The following LARGE1 variants were observed in gnomAD, a reference collection of about 807,000 sequenced individuals.
The protein encoded by LARGE1 is xylosyl- and glucuronyltransferase LARGE1.
Under a neutral mutation model 87.6 loss-of-function variants are expected in LARGE1, and 43 were observed. That is an observed-to-expected ratio of 0.49 (90% CI 0.38 to 0.63). The LOEUF is 0.63. Ranked by LOEUF, LARGE1 falls within the 30% of genes least tolerant of loss-of-function variation. The pLI, the probability that LARGE1 is intolerant of heterozygous loss-of-function variation, is 0.00. For synonymous variants in LARGE1, 434 were observed against 394.6 expected, an observed-to-expected ratio of 1.10 and a Z score of -1.18; for missense variants, 802 against 1,000.2, an observed-to-expected ratio of 0.80 and a Z score of 2.67.
chr22:33,405,605 G>T (rs2066069086), intron 7 of LARGE1, among the ~76,000 whole-genome samples: 1 of 152,084 alleles, frequency 6.6e-6, no homozygotes, highest in African/African-American at 2.4e-5. Flanking sequence ...GGCACTACAG[G>T]GGCAGGAGCC....
intron 1 of LARGE1, among the ~76,000 whole-genome samples, chr22:33,819,213 T>G (rs759265057): frequency 2.2e-4 from 34 of 152,086 alleles, no homozygotes; most frequent in Non-Finnish European, 3.5e-4. Flanking sequence ...CAGCCAACTT[T>G]TGTCAGTCCC....
At chr22:33,094,431 C>T in the LARGE1 span, among the ~76,000 whole-genome samples, 415 of 152,264 alleles carry the variant, frequency 2.7e-3, 3 homozygotes, top group African/African-American at 9.0e-3. Context: ...GATCCACTCT[C>T]GTCTCAGCTA....
At chr22:33,655,540 T>C (rs1274753027) in intron 2 of LARGE1, among the ~76,000 whole-genome samples, 1 of 152,196 alleles carries the variant, frequency 6.6e-6, no homozygotes, top group East Asian at 1.9e-4. Flanking sequence ...ATCTTGGAAC[T>C]TGTCAGCTTC....
At chr22:33,603,517 C>T (rs958999966) in intron 5 of LARGE1, among the ~76,000 whole-genome samples, 1 of 152,172 alleles carries the variant, frequency 6.6e-6, no homozygotes. Flanking sequence ...TTCCTCTTTC[C>T]TGTGGAAGTC....
chr22:33,162,847 T>C (rs904791821), exon 12 of LARGE1: 2 of 152,236 alleles, frequency 1.3e-5, no homozygotes, highest in South Asian at 2.1e-4. Context: ...ACTTTCATAA[T>C]AAGGAGATTG....
the LARGE1 span, among the ~76,000 whole-genome samples, chr22:33,073,524 C>T: frequency 2.0e-5 from 3 of 152,176 alleles, no homozygotes; most frequent in Non-Finnish European, 4.4e-5. Context: ...CTTAACCTTT[C>T]CCTCCATTCT....
At chr22:33,195,504 T>G (rs1448491238) in intron 11 of LARGE1, among the ~76,000 whole-genome samples, 1 of 151,996 alleles carries the variant, frequency 6.6e-6, no homozygotes, top group Non-Finnish European at 1.5e-5. Flanking sequence ...CAGAATTAAA[T>G]TAGACACAAG....
intron 7 of LARGE1, among the ~76,000 whole-genome samples, chr22:33,412,929 G>A (rs1310835408): frequency 4.6e-5 from 7 of 152,184 alleles, no homozygotes; most frequent in African/African-American, 1.7e-4. Context: ...CCAAAGTGCT[G>A]GGATTACAGG....
chr22:33,100,349 CAA>C, the LARGE1 span, among the ~76,000 whole-genome samples: 13,268 of 64,438 alleles, frequency 0.21, 516 homozygotes, highest in East Asian at 0.5. Flanking sequence ...GACTCCATCT[CAA>C]AAAAAAAAAA....
At chr22:33,572,968 T>C (rs1232799728) in intron 5 of LARGE1, among the ~76,000 whole-genome samples, 1 of 152,198 alleles carries the variant, frequency 6.6e-6, no homozygotes, top group African/African-American at 2.4e-5. Context: ...TCATTCACTA[T>C]CTGAGTCATT....
intron 14 of LARGE1, among the ~76,000 whole-genome samples, chr22:33,276,220 G>GAA (rs397840244): frequency 2.5e-5 from 3 of 120,722 alleles, no homozygotes; most frequent in African/African-American, 5.6e-5. Flanking sequence ...GAAAAGAAAA[G>GAA]AAAAAAAAAA....
At chr22:33,328,898 T>C (rs529255737) in intron 10 of LARGE1, among the ~76,000 whole-genome samples, 1 of 152,300 alleles carries the variant, frequency 6.6e-6, no homozygotes, top group African/African-American at 2.4e-5. Context: ...CTTTGAAGCC[T>C]TCCTTTCCTT....
chr22:33,340,387 G>C (rs1939012864), intron 9 of LARGE1, among the ~76,000 whole-genome samples: 1 of 151,858 alleles, frequency 6.6e-6, no homozygotes, highest in South Asian at 2.1e-4. Context: ...CTGAATGATG[G>C]GTGGAGGCAG....
chr22:33,693,103 C>T (rs770078068), intron 2 of LARGE1, among the ~76,000 whole-genome samples: 1 of 152,196 alleles, frequency 6.6e-6, no homozygotes, highest in Non-Finnish European at 1.5e-5. Context: ...GCAGCAACCT[C>T]GATGGAGCTG....
At chr22:33,318,339 C>T (rs1339127503) in intron 10 of LARGE1, among the ~76,000 whole-genome samples, 1 of 152,094 alleles carries the variant, frequency 6.6e-6, no homozygotes, top group Non-Finnish European at 1.5e-5. Context: ...CAATTCCCAC[C>T]TATGAGTGAG....
chr22:33,846,470 T>C (rs139721346), intron 1 of LARGE1, among the ~76,000 whole-genome samples: 2 of 152,240 alleles, frequency 1.3e-5, no homozygotes, highest in East Asian at 1.9e-4. Context: ...TTGTAGAGCA[T>C]GTGTGTTTGA....
At chr22:33,741,838 T>C (rs1386263651) in intron 2 of LARGE1, among the ~76,000 whole-genome samples, 4 of 152,136 alleles carry the variant, frequency 2.6e-5, no homozygotes, top group Non-Finnish European at 4.4e-5. Context: ...AGGAGGGGTG[T>C]GCAAGAGAAC....
intron 2 of LARGE1, among the ~76,000 whole-genome samples, chr22:33,688,585 A>G (rs1195272487): frequency 2.0e-5 from 3 of 152,112 alleles, no homozygotes; most frequent in Non-Finnish European, 4.4e-5. Flanking sequence ...TCCCAACCTC[A>G]GGTCATCTGC....
At chr22:33,338,998 A>G (rs1938820844) in intron 9 of LARGE1, among the ~76,000 whole-genome samples, 1 of 152,022 alleles carries the variant, frequency 6.6e-6, no homozygotes, top group Admixed American at 6.6e-5. Context: ...AAATATAAAA[A>G]TTAGCTGGGC....
Sources: allele counts gnomAD v4.1 joint callset (sites outside exome capture counted in the v4.1 genomes callset), GRCh38; gene constraint gnomAD v4.1.1; transcripts MANE v1.5; gene names NCBI Gene and HGNC (gene_info 2026-07-23, HGNC 2026-07-21).